CFAP90: variants seen among roughly 807,000 people sequenced by gnomAD.
CFAP90 encodes cilia- and flagella-associated protein 90.
At chr5:7,833,331 TAC>T in the CFAP90 span, among the ~76,000 whole-genome samples, 41 of 151,710 alleles carry the variant, frequency 2.7e-4, no homozygotes, top group Non-Finnish European at 3.8e-4. Context: ...GCATACAATA[TAC>T]ACACATGTGC....
At chr5:7,845,024 C>A in the CFAP90 span, among the ~76,000 whole-genome samples, 1 of 152,158 alleles carries the variant, frequency 6.6e-6, no homozygotes, top group African/African-American at 2.4e-5. Context: ...ACTCACAGTT[C>A]CACATGGCTG....
At chr5:7,848,235 C>T in the CFAP90 span, among the ~76,000 whole-genome samples, 2 of 152,158 alleles carry the variant, frequency 1.3e-5, no homozygotes, top group East Asian at 1.9e-4. Context: ...ACCATTCCCT[C>T]GTGTTTCCCT....
chr5:7,847,431 G>GTATGGAACT, the CFAP90 span, among the ~76,000 whole-genome samples: 1 of 122,106 alleles, frequency 8.2e-6, no homozygotes. Flanking sequence ...AGAAGGTAGT[G>GTATGGAACT]ATACATTAGA....
chr5:7,832,326 T>G, the CFAP90 span, among the ~76,000 whole-genome samples: 2 of 152,148 alleles, frequency 1.3e-5, no homozygotes, highest in African/African-American at 4.8e-5. Flanking sequence ...TCCCAGCTCC[T>G]GCTGCTGCTG....
chr5:7,844,120 C>T, the CFAP90 span, among the ~76,000 whole-genome samples: 2 of 152,138 alleles, frequency 1.3e-5, no homozygotes, highest in African/African-American at 2.4e-5. Context: ...GGGCTCAGCC[C>T]CCCGACCAAC....
chr5:7,836,923 C>G, the CFAP90 span, among the ~76,000 whole-genome samples: 1 of 152,086 alleles, frequency 6.6e-6, no homozygotes, highest in Non-Finnish European at 1.5e-5. Context: ...GAGCCTTCTT[C>G]TTGAGGCCAG....
At chr5:7,844,657 A>C in the CFAP90 span, among the ~76,000 whole-genome samples, 8 of 152,304 alleles carry the variant, frequency 5.3e-5, no homozygotes, top group South Asian at 6.2e-4. Flanking sequence ...TCATAATTTC[A>C]CTGGGCCAGT....
the CFAP90 span, among the ~76,000 whole-genome samples, chr5:7,832,515 CT>C: frequency 5.9e-5 from 9 of 151,650 alleles, no homozygotes; most frequent in African/African-American, 1.9e-4. Context: ...TTTTTCTTTT[CT>C]TTTGAGAAGG....
At chr5:7,845,006 T>C in the CFAP90 span, among the ~76,000 whole-genome samples, 1 of 152,170 alleles carries the variant, frequency 6.6e-6, no homozygotes, top group Non-Finnish European at 1.5e-5. Context: ...GAAAAAAAGG[T>C]TTGATTGACT....
At chr5:7,845,241 C>T in the CFAP90 span, among the ~76,000 whole-genome samples, 1 of 152,312 alleles carries the variant, frequency 6.6e-6, no homozygotes, top group South Asian at 2.1e-4. Flanking sequence ...CAGGTCCCTG[C>T]ATCAACATGT....
chr5:7,839,551 T>G, the CFAP90 span, among the ~76,000 whole-genome samples: 1 of 152,252 alleles, frequency 6.6e-6, no homozygotes, highest in Non-Finnish European at 1.5e-5. Context: ...TCATTCATTT[T>G]GTTCCCTATA....
At chr5:7,848,574 G>C in the CFAP90 span, among the ~76,000 whole-genome samples, 1 of 152,190 alleles carries the variant, frequency 6.6e-6, no homozygotes, top group East Asian at 1.9e-4. Flanking sequence ...TTTCCCTGAG[G>C]CTTGTAGGCA....
the CFAP90 span, among the ~76,000 whole-genome samples, chr5:7,840,609 C>T: frequency 6.1e-4 from 93 of 152,274 alleles, no homozygotes; most frequent in African/African-American, 2.1e-3. Context: ...TGGGAGACTG[C>T]ACCACACTGC....
At chr5:7,841,187 C>G in the CFAP90 span, among the ~76,000 whole-genome samples, 1 of 152,126 alleles carries the variant, frequency 6.6e-6, no homozygotes, top group East Asian at 1.9e-4. Flanking sequence ...TGAACAGACA[C>G]TTCTCAATAG....
At chr5:7,836,172 T>C in the CFAP90 span, among the ~76,000 whole-genome samples, 1 of 152,164 alleles carries the variant, frequency 6.6e-6, no homozygotes, top group African/African-American at 2.4e-5. Flanking sequence ...ACGTACGAAT[T>C]TGGGGAGACA....
chr5:7,831,437 A>G, the CFAP90 span: 124 of 161,174 alleles, frequency 7.7e-4, 1 homozygote, highest in East Asian at 0.016. Flanking sequence ...GGGAAAAGCA[A>G]CTGCACCTCA....
At chr5:7,831,584 T>G in the CFAP90 span, 1 of 344,032 alleles carries the variant, frequency 2.9e-6, no homozygotes, top group Non-Finnish European at 5.3e-6. Flanking sequence ...CCAGATTCAT[T>G]TGATCAAAAA....
chr5:7,845,948 C>T, the CFAP90 span, among the ~76,000 whole-genome samples: 1 of 73,120 alleles, frequency 1.4e-5, no homozygotes, highest in Non-Finnish European at 3.1e-5. Flanking sequence ...TTTGCCTTCA[C>T]CTGTGTTAAT....
At chr5:7,841,747 T>C in the CFAP90 span, among the ~76,000 whole-genome samples, 1 of 152,150 alleles carries the variant, frequency 6.6e-6, no homozygotes, top group African/African-American at 2.4e-5. Flanking sequence ...ATCCCGCATG[T>C]TCTTACTTAC....
Sources: allele counts gnomAD v4.1 joint callset (sites outside exome capture counted in the v4.1 genomes callset), GRCh38; gene constraint gnomAD v4.1.1; transcripts MANE v1.5; gene names NCBI Gene and HGNC (gene_info 2026-07-23, HGNC 2026-07-21).